Variants in SPIN1 observed in about 807,000 individuals in gnomAD.
SPIN1 encodes spindlin-1.
SPIN1 carries 3 observed loss-of-function variants against 26.0 expected under a neutral mutation model. The ratio of observed to expected loss-of-function variants is 0.12; its 90% CI spans 0.05 to 0.30. SPIN1 has a LOEUF of 0.30. SPIN1 is among the 10% of genes least tolerant of loss of function. The pLI is 1.00. For synonymous variants in SPIN1, 101 were observed against 116.5 expected (o/e 0.87, Z 0.86); for missense variants, 126 against 333.4 (o/e 0.38, Z 4.84).
chr9:88,403,044 A>T (rs1178822965), intron 1 of SPIN1, among the ~76,000 whole-genome samples: 1 of 152,098 alleles, frequency 6.6e-6, no homozygotes, highest in Non-Finnish European at 1.5e-5. Flanking sequence ...TATTTACCTG[A>T]TGATTACTGA....
intron 1 of SPIN1, among the ~76,000 whole-genome samples, chr9:88,402,696 A>C (rs548467259): frequency 4.6e-5 from 7 of 152,056 alleles, no homozygotes; most frequent in African/African-American, 1.2e-4. Context: ...CGTTTTCTTT[A>C]TCTCTCTGCT....
chr9:88,450,674 C>A (rs544128580), intron 3 of SPIN1, among the ~76,000 whole-genome samples: 1 of 152,272 alleles, frequency 6.6e-6, no homozygotes, highest in East Asian at 1.9e-4. Flanking sequence ...AGTGCTTTCA[C>A]AAGCATACAT....
chr9:88,451,047 A>G (rs1387041453), intron 3 of SPIN1, among the ~76,000 whole-genome samples: 2 of 152,080 alleles, frequency 1.3e-5, no homozygotes, highest in Non-Finnish European at 2.9e-5. Context: ...GGACTAGAAC[A>G]ATGAGGTTTG....
At chr9:88,445,671 C>T (rs1440764924) in intron 2 of SPIN1, among the ~76,000 whole-genome samples, 1 of 151,328 alleles carries the variant, frequency 6.6e-6, no homozygotes, top group Admixed American at 6.6e-5. Flanking sequence ...GCCAGAATTA[C>T]AGACGCCCAC....
chr9:88,407,135 T>TAA (rs397893590), intron 1 of SPIN1, among the ~76,000 whole-genome samples: 10 of 122,736 alleles, frequency 8.1e-5, no homozygotes, highest in East Asian at 4.7e-4. Context: ...GATCTTCCTT[T>TAA]AAAAAAAAAA....
intron 5 of SPIN1, among the ~76,000 whole-genome samples, chr9:88,469,774 C>T (rs1319075982): frequency 1.3e-5 from 2 of 152,192 alleles, no homozygotes; most frequent in African/African-American, 2.4e-5. Flanking sequence ...CTCAGGTAGT[C>T]CACCAGCCTT....
chr9:88,397,423 C>T lies in SPIN1; in HGVS notation c.-159+8885C>T, dbSNP rs1827090607. ...TTCATTCTCCTGTGCTCACCATATT[C>T]TCCACCAGGAATCTTGGCACTTGTT... On this transcript the variant is annotated intron_variant, in intron 1 of 5. Coordinates refer to ENST00000375859, the MANE Select transcript of SPIN1 (RefSeq NM_006717.3). Among the ~76,000 whole-genome samples the T allele has an allele frequency of 2.0e-5, 3 of 152,050 alleles. No homozygotes were observed. The South Asian group carries it at 6.2e-4, about 31-fold the overall frequency.
intron 5 of SPIN1, among the ~76,000 whole-genome samples, chr9:88,471,039 C>T (rs1456377967): frequency 3.9e-5 from 6 of 152,084 alleles, no homozygotes; most frequent in East Asian, 1.9e-4. Context: ...CAAATGTTTT[C>T]TCCTATTCCA....
Position 88,478,060 on chromosome 9 carries a change from A to G in SPIN1, c.*2783A>G, listed in dbSNP as rs1828919112. 1 of 152,044 alleles carries G rather than the reference A, an allele frequency of 6.6e-6. No individual in the cohort carries two copies. Among genetic ancestry groups the G allele is most frequent in the Admixed American group, 6.5e-5 (1 of 15,270 alleles). The allele number at this position is 152,044 out of a possible 1,614,324, so 9.4% of individuals were successfully genotyped here. On this transcript the variant is annotated 3_prime_UTR_variant, in exon 6 of 6. Transcript: ENST00000375859. ...ACTGTGCCGTTTTAGTGGTTTTAGGATAAAAATGCACTGGTGAAGCAAATG... is the reference window on the plus strand; with the variant it reads ...ACTGTGCCGTTTTAGTGGTTTTAGGGTAAAAATGCACTGGTGAAGCAAATG...
intron 1 of SPIN1, among the ~76,000 whole-genome samples, chr9:88,403,139 AT>A (rs2117918222): frequency 6.6e-6 from 1 of 151,960 alleles, no homozygotes; most frequent in South Asian, 2.1e-4. Flanking sequence ...TATTATTATT[AT>A]TTTTTAATTG....
At chr9:88,404,468 A>G (rs1827253224) in intron 1 of SPIN1, among the ~76,000 whole-genome samples, 2 of 152,298 alleles carry the variant, frequency 1.3e-5, no homozygotes, top group Middle Eastern at 3.4e-3. Context: ...TGAAGTTCAT[A>G]ATTTTTAAAT....
At chr9:88,412,114 G>A (rs930885695) in intron 1 of SPIN1, among the ~76,000 whole-genome samples, 1 of 152,010 alleles carries the variant, frequency 6.6e-6, no homozygotes, top group Non-Finnish European at 1.5e-5. Context: ...AGGAGGCGGA[G>A]CTTGCAGTGA....
chr9:88,462,598 T>C lies in SPIN1; in HGVS notation c.204T>C (p.Pro68=). 1 of 1,614,158 alleles carries C rather than the reference T, an allele frequency of 6.2e-7. No homozygotes were observed. Among genetic ancestry groups the C allele is most frequent in the Non-Finnish European group, 8.5e-7 (1 of 1,180,020 alleles). Residue 68 remains proline, a synonymous_variant, in exon 4 of 6, where the codon CCT becomes CCC. Transcript: ENST00000375859. ...ATGGGTGGAAAGAGGGGAATGGCCC[T>C]GTTACCCAGTGGAAAGGAACCGTTC... The part of the protein sequence containing the change: ...IQHGWKEGNG[P]VTQWKGTVLD...
At chr9:88,422,130 C>G (rs1396131635) in intron 1 of SPIN1, among the ~76,000 whole-genome samples, 1 of 152,100 alleles carries the variant, frequency 6.6e-6, no homozygotes, top group Non-Finnish European at 1.5e-5. Flanking sequence ...TGTTTTGATA[C>G]CGTACAATTA....
In SPIN1 at chr9:88,476,424, ACC is replaced by A. The variant is rs1216838311; in HGVS notation, c.*1150_*1151del. The A allele has an allele frequency of 6.6e-6, 1 of 152,174 alleles. No individual in the cohort carries two copies. The highest frequency in any genetic ancestry group is 1.9e-4 in the East Asian group (1 of 5,190). 9.4% of individuals were successfully genotyped at this position (152,174 alleles called of 1,614,324 possible). ...ACTTTCAACCCACCCCTTCCTGCCTACCCCTGGCTTTTCCTCACAAAGAATGT... is the reference window on the plus strand; with the variant it reads ...ACTTTCAACCCACCCCTTCCTGCCTACCTGGCTTTTCCTCACAAAGAATGT... On this transcript the variant is annotated 3_prime_UTR_variant, in exon 6 of 6. Transcript: ENST00000375859.
intron 3 of SPIN1, 81 bp downstream of exon 3, chr9:88,449,070 T>G (rs1193505223): frequency 7.3e-6 from 10 of 1,373,494 alleles, no homozygotes; most frequent in Middle Eastern, 3.6e-4. Flanking sequence ...AGGTAAGGCC[T>G]CCTCCCCTGT....
chr9:88,472,444 G>A (rs1828807945), intron 5 of SPIN1, among the ~76,000 whole-genome samples: 1 of 151,758 alleles, frequency 6.6e-6, no homozygotes, highest in African/African-American at 2.4e-5. Flanking sequence ...ATGTTGACCA[G>A]GCTGGTCTCG....
rs1375590081 is a variant in SPIN1, at chr9:88,478,359, AATT to A, written c.*3088_*3090del. ...AAGTTCTCCAAAGACAAAACAGAAC[AATT>A]ATTATAACAAAATAATTATGGTTGA... is the stretch of plus-strand genomic sequence containing the variant. On this transcript the variant is annotated 3_prime_UTR_variant, in exon 6 of 6. Transcript: ENST00000375859. 6.6e-6 allele frequency: 1 copy of A among 152,668 alleles called. No individual in the cohort carries two copies. Among genetic ancestry groups the A allele is most frequent in the Non-Finnish European group, 1.5e-5 (1 of 68,036 alleles). 9.5% of individuals were successfully genotyped at this position (152,668 alleles called of 1,614,324 possible).
At chr9:88,474,962 C>T (rs564173818) in intron 5 of SPIN1, 116 bp from the exon 6 acceptor site, 2 of 981,732 alleles carry the variant, frequency 2.0e-6, no homozygotes, top group South Asian at 4.1e-5. Context: ...TGAATTCAGG[C>T]TATTAAAATT....
Sources: allele counts gnomAD v4.1 joint callset (sites outside exome capture counted in the v4.1 genomes callset), GRCh38; gene constraint gnomAD v4.1.1; transcripts MANE v1.5; gene names NCBI Gene and HGNC (gene_info 2026-07-23, HGNC 2026-07-21).